The following PLEKHH2 variants were observed in gnomAD, a reference collection of about 807,000 sequenced individuals.
The protein encoded by PLEKHH2 is pleckstrin homology, MyTH4 and FERM domain containing H2.
A neutral mutation model predicts 187.9 loss-of-function variants in PLEKHH2; 129 were observed. The observed-to-expected ratio is 0.69, with a 90% CI of 0.59 to 0.79. The LOEUF (loss-of-function observed/expected upper bound fraction) is 0.79. Ranked by LOEUF, PLEKHH2 falls within the 30% of genes least tolerant of loss-of-function variation. PLEKHH2 has a pLI of 0.00. For synonymous variants in PLEKHH2, 686 were observed against 605.6 expected (o/e 1.13, Z -1.95); for missense variants, 2,076 against 1,751.2 (o/e 1.19, Z -3.31).
At chr2:43,678,504 T>G (rs1405634595) in intron 2 of PLEKHH2, among the ~76,000 whole-genome samples, 1 of 152,120 alleles carries the variant, frequency 6.6e-6, no homozygotes. Flanking sequence ...GGTTAGGAGC[T>G]GGAGACCAGC....
At chr2:43,699,358 T>C (rs1669240896) in intron 7 of PLEKHH2, among the ~76,000 whole-genome samples, 1 of 152,206 alleles carries the variant, frequency 6.6e-6, no homozygotes, top group African/African-American at 2.4e-5. Flanking sequence ...ATGTAAATTA[T>C]TTGTATGAAA....
intron 1 of PLEKHH2, among the ~76,000 whole-genome samples, chr2:43,639,182 T>A (rs1703253840): frequency 6.6e-6 from 1 of 152,240 alleles, no homozygotes; most frequent in South Asian, 2.1e-4. Context: ...ATTAAATTTG[T>A]AAATGCAGTC....
At chr2:43,744,867 C>CAAAAAAA (rs774106764) in intron 23 of PLEKHH2, among the ~76,000 whole-genome samples, 74 of 82,316 alleles carry the variant, frequency 9.0e-4, no homozygotes, top group East Asian at 1.7e-3. Flanking sequence ...GACTGTCTCA[C>CAAAAAAA]AAAAAAAAAA....
rs1052529414 is a variant in PLEKHH2, at chr2:43,720,692, A to G, written c.2484A>G (p.Arg828=). 1.2e-6 allele frequency: 2 copies of G among 1,610,038 alleles called. No individual in the cohort carries two copies. Among genetic ancestry groups the G allele is most frequent in the Non-Finnish European group, 1.7e-6 (2 of 1,178,742 alleles). ...LTKVKHGYSK[R]VWCTLIGKTL... ...AGGTAAAACATGGATATTCCAAGAG[A>G]GTCTGGTGTACACTAATAGGAAAGA... Residue 828 remains arginine, a synonymous_variant, in exon 16 of 30, where the codon AGA becomes AGG. Transcript: ENST00000282406.
chr2:43,681,807 T>G (rs1558478426), intron 3 of PLEKHH2, among the ~76,000 whole-genome samples: 1 of 152,280 alleles, frequency 6.6e-6, no homozygotes, highest in East Asian at 1.9e-4. Flanking sequence ...CCCTCAATTT[T>G]TATTTTAGAT....
chr2:43,694,149 G>A (rs1290028428), intron 4 of PLEKHH2, among the ~76,000 whole-genome samples: 3 of 152,132 alleles, frequency 2.0e-5, no homozygotes, highest in Non-Finnish European at 2.9e-5. Flanking sequence ...CCCAGAAATG[G>A]CTTATTTTGT....
chr2:43,764,488 TC>T (rs1286723268), intron 29 of PLEKHH2, 123 bp downstream of exon 29: 2 of 987,120 alleles, frequency 2.0e-6, no homozygotes, highest in Non-Finnish European at 2.9e-6. Context: ...AAGACTGCAT[TC>T]CAGATGGGAA....
intron 10 of PLEKHH2, 30 bp from the exon 11 acceptor site, chr2:43,707,371 A>G (rs1558531705): frequency 6.2e-7 from 1 of 1,613,504 alleles, no homozygotes; most frequent in South Asian, 1.1e-5. Flanking sequence ...TTAGGGATGG[A>G]TACAGGGAGG....
intron 19 of PLEKHH2, among the ~76,000 whole-genome samples, chr2:43,733,362 CAAAA>C (rs60417054): frequency 3.5e-4 from 37 of 105,408 alleles, no homozygotes; most frequent in African/African-American, 8.8e-4. Flanking sequence ...GACTCCATCT[CAAAA>C]AAAAAAAAAA....
chr2:43,735,322 CAGAAAGA>C (rs1229287870), intron 19 of PLEKHH2, among the ~76,000 whole-genome samples: 2 of 152,082 alleles, frequency 1.3e-5, no homozygotes, highest in Non-Finnish European at 2.9e-5. Flanking sequence ...AAGCCAAGCA[CAGAAAGA>C]CAAATATCTT....
intron 6 of PLEKHH2, 73 bp from the exon 7 acceptor site, chr2:43,697,097 TA>T: frequency 7.9e-7 from 1 of 1,271,814 alleles, no homozygotes; most frequent in Non-Finnish European, 1.1e-6. Flanking sequence ...TTCAAGTTTT[TA>T]TATGCCTTGG....
At chr2:43,646,357 G>C (rs1382127774) in intron 2 of PLEKHH2, among the ~76,000 whole-genome samples, 1 of 152,034 alleles carries the variant, frequency 6.6e-6, no homozygotes, top group African/African-American at 2.4e-5. Context: ...AGTGATTTTT[G>C]TCAGGATCCA....
chr2:43,677,066 T>A (rs1409061221), intron 2 of PLEKHH2, among the ~76,000 whole-genome samples: 1 of 152,242 alleles, frequency 6.6e-6, no homozygotes, highest in East Asian at 1.9e-4. Flanking sequence ...ATATATGTAG[T>A]CCTTGTATTA....
chr2:43,747,104 CT>C (rs1671814189), intron 24 of PLEKHH2, among the ~76,000 whole-genome samples: 4 of 142,564 alleles, frequency 2.8e-5, no homozygotes, highest in African/African-American at 1.1e-4. Context: ...CTCTCTCTCT[CT>C]CTCCCTCTCT....
rs749102753 is a variant in PLEKHH2 at position 43,729,719 on chromosome 2, A to C, written c.2804A>C (p.Lys935Thr). 1 of 1,606,358 alleles carries C rather than the reference A, an allele frequency of 6.2e-7. No homozygotes were observed. The highest frequency in any genetic ancestry group is 8.5e-7 in the Non-Finnish European group (1 of 1,177,004). The change falls in exon 18 of 30, where the codon AAA (lysine) becomes ACA (threonine). Residue 935 changes from lysine (K) to threonine (T), a missense_variant. Transcript: ENST00000282406. Reference protein sequence around the residue: ...VGSEFEQLVCKLLNIDGEPSS... With the variant: ...VGSEFEQLVCTLLNIDGEPSS... ...TCTGAATTTGAACAACTGGTTTGCA[A>C]ATTGCTAAATATAGACGGGGAGCCT...
Position 43,712,165 on chromosome 2 carries a change from A to T in PLEKHH2, c.2302-60A>T, listed in dbSNP as rs1415823311. 5.8e-6 allele frequency: 9 copies of T among 1,557,358 alleles called. No individual in the cohort carries two copies. The African/African-American group carries it at 6.8e-5, about 12-fold the overall frequency. Reference sequence around the variant, plus strand: ...TGACGTTTGAATAATGAACAAGGAAATGCTAACAATCCTAAATCTTCACAG... The same window carrying T: ...TGACGTTTGAATAATGAACAAGGAATTGCTAACAATCCTAAATCTTCACAG... On this transcript the variant is annotated intron_variant, in intron 14 of 29. Transcript: ENST00000282406.
At chr2:43,680,893 T>G in intron 3 of PLEKHH2, 1 of 585,322 alleles carries the variant, frequency 1.7e-6, no homozygotes, top group Non-Finnish European at 3.1e-6. Flanking sequence ...CAAGTAGAAT[T>G]TCTGTTTCTG....
rs745973897 is a variant in PLEKHH2 at position 43,706,333 on chromosome 2, A to G, written c.1738A>G (p.Thr580Ala). Residue 580 changes from threonine (T) to alanine (A), a missense_variant, in exon 10 of 30, where the codon ACC (threonine) becomes GCC (alanine). Coordinates refer to ENST00000282406, the MANE Select transcript of PLEKHH2 (RefSeq NM_172069.4). Reference protein sequence around the residue: ...MESVNKNSAATLSYTTSGLYT... With the variant: ...MESVNKNSAAALSYTTSGLYT... ...TTTTTCTGTTTCAGATTCTGCTGCA[A>G]CCCTTTCCTATACTACATCAGGACT... 4 of 1,605,638 alleles carry G rather than the reference A, an allele frequency of 2.5e-6. No individual in the cohort carries two copies. Among genetic ancestry groups the G allele is most frequent in the Non-Finnish European group, 3.4e-6 (4 of 1,173,050 alleles).
intron 3 of PLEKHH2, among the ~76,000 whole-genome samples, chr2:43,684,391 G>C (rs577851548): frequency 1.3e-5 from 2 of 151,782 alleles, no homozygotes; most frequent in South Asian, 2.1e-4. Context: ...CATATTATGG[G>C]AAAAAGAGAA....
Sources: allele counts gnomAD v4.1 joint callset (sites outside exome capture counted in the v4.1 genomes callset), GRCh38; gene constraint gnomAD v4.1.1; transcripts MANE v1.5; gene names NCBI Gene and HGNC (gene_info 2026-07-23, HGNC 2026-07-21).